Variants in SRGAP3 observed in about 807,000 individuals in gnomAD.
The protein encoded by SRGAP3 is SLIT-ROBO Rho GTPase activating protein 3.
A neutral mutation model predicts 121.1 loss-of-function variants in SRGAP3; 39 were observed. The ratio of observed to expected loss-of-function variants is 0.32; its 90% CI spans 0.25 to 0.42. SRGAP3 has a LOEUF of 0.42. Among genes scored for constraint, SRGAP3 ranks in the 10% least tolerant of loss-of-function variants. The pLI is 1.00. For missense variants in SRGAP3, 1,213 were observed against 1,470.6 expected (o/e 0.82, Z 2.86); for synonymous variants, 601 against 570.0 (o/e 1.05, Z -0.77).
intron 1 of SRGAP3, among the ~76,000 whole-genome samples, chr3:9,182,188 A>AAAC (rs1486492594): frequency 1.3e-5 from 2 of 150,720 alleles, no homozygotes; most frequent in African/African-American, 4.9e-5. Flanking sequence ...AAAAAAAAAA[A>AAAC]AAAAAAAAAA....
chr3:9,073,391 T>C (rs1203918936), intron 4 of SRGAP3, among the ~76,000 whole-genome samples: 2 of 152,236 alleles, frequency 1.3e-5, no homozygotes, highest in Non-Finnish European at 2.9e-5. Context: ...GCGATCTGCC[T>C]GACTTGGCCT....
intron 4 of SRGAP3, among the ~76,000 whole-genome samples, chr3:9,065,127 T>G (rs151231959): frequency 1.3e-5 from 2 of 152,314 alleles, no homozygotes; most frequent in East Asian, 3.9e-4. Flanking sequence ...TGAAGTACAA[T>G]GGGCTGCAAA....
chr3:9,131,832 T>C (rs1445714611), intron 1 of SRGAP3, among the ~76,000 whole-genome samples: 1 of 152,112 alleles, frequency 6.6e-6, no homozygotes, highest in Admixed American at 6.5e-5. Flanking sequence ...CCCCATTGCT[T>C]ATAGGATCAA....
intron 17 of SRGAP3, among the ~76,000 whole-genome samples, chr3:9,010,646 G>A (rs963712732): frequency 7.2e-5 from 11 of 152,144 alleles, no homozygotes; most frequent in Non-Finnish European, 8.8e-5. Context: ...CTGTCTTCTT[G>A]GTGAAGTCTG....
At chr3:9,026,879 C>A in intron 13 of SRGAP3, 56 bp downstream of exon 13, 3 of 1,583,442 alleles carry the variant, frequency 1.9e-6, no homozygotes, top group South Asian at 2.2e-5. Flanking sequence ...CCTATCAGAA[C>A]AGCCTAGCAC....
At chr3:9,125,306 C>T (rs943776999) in intron 1 of SRGAP3, among the ~76,000 whole-genome samples, 11 of 152,150 alleles carry the variant, frequency 7.2e-5, no homozygotes, top group African/African-American at 2.2e-4. Context: ...AACACTAGGA[C>T]CCCTTGCAGC....
intron 1 of SRGAP3, among the ~76,000 whole-genome samples, chr3:9,128,893 C>T (rs1408826529): frequency 1.3e-5 from 2 of 152,098 alleles, no homozygotes; most frequent in African/African-American, 4.8e-5. Context: ...AAAGTGGTCA[C>T]GTTTGACGGG....
chr3:9,049,591 T>A, intron 9 of SRGAP3: 1 of 432,318 alleles, frequency 2.3e-6, no homozygotes. Context: ...ACTCAGTGTT[T>A]CTCCAAGTGT....
intron 2 of SRGAP3, among the ~76,000 whole-genome samples, chr3:9,329,557 G>A (rs1955571840): frequency 6.6e-6 from 1 of 152,094 alleles, no homozygotes; most frequent in Non-Finnish European, 1.5e-5. Context: ...TTCAACACAT[G>A]GTGTCTGGGT....
chr3:9,004,781 A>C (rs1048040026), intron 18 of SRGAP3, among the ~76,000 whole-genome samples: 2 of 152,264 alleles, frequency 1.3e-5, no homozygotes, highest in Non-Finnish European at 2.9e-5. Flanking sequence ...AATAGATCAA[A>C]GATCTAAATG....
Position 9,269,052 on chromosome 3 carries a change from C to T in SRGAP3, n.442+56958G>A, listed in dbSNP as rs117286138. 2.8e-3 allele frequency among the ~76,000 whole-genome samples: 420 copies of T among 152,216 alleles called. 14 individuals are homozygous for T. In the South Asian group the frequency reaches 0.042, roughly 15 times the overall value. ...TTAGGATTGGAATCTCAGTGTTGGC[C>T]GGAACACGCCCACTGTGTGACCTTG... is the stretch of plus-strand genomic sequence containing the variant. On this transcript the variant is annotated intron_variant and non_coding_transcript_variant, in intron 3 of 3. Transcript: ENST00000490889.
At chr3:9,068,575 C>G (rs1478516442) in intron 4 of SRGAP3, among the ~76,000 whole-genome samples, 2 of 152,160 alleles carry the variant, frequency 1.3e-5, no homozygotes, top group Non-Finnish European at 1.5e-5. Flanking sequence ...TTATGACAGA[C>G]AGCTGCCACC....
intron 3 of SRGAP3, among the ~76,000 whole-genome samples, chr3:9,092,343 C>T (rs1018587313): frequency 1.3e-5 from 2 of 152,068 alleles, no homozygotes; most frequent in Non-Finnish European, 2.9e-5. Context: ...AGTCTTAGTA[C>T]AATTACTACT....
At chr3:9,127,198 G>T (rs1420393140) in intron 1 of SRGAP3, among the ~76,000 whole-genome samples, 1 of 152,096 alleles carries the variant, frequency 6.6e-6, no homozygotes, top group Non-Finnish European at 1.5e-5. Context: ...TTAGCCAGGT[G>T]TGGTGGCATG....
chr3:9,266,311 T>C (rs752042007), intron 3 of SRGAP3, among the ~76,000 whole-genome samples: 2 of 151,972 alleles, frequency 1.3e-5, no homozygotes, highest in Non-Finnish European at 2.9e-5. Context: ...CCATGGCACA[T>C]GTGTACCTAC....
intron 1 of SRGAP3, among the ~76,000 whole-genome samples, chr3:9,240,962 G>A (rs1478513252): frequency 6.6e-6 from 1 of 152,148 alleles, no homozygotes; most frequent in African/African-American, 2.4e-5. Context: ...TGTCAGGAAG[G>A]GAAGGAAGTC....
At chr3:9,004,925 A>C (rs747979660) in intron 18 of SRGAP3, among the ~76,000 whole-genome samples, 1 of 152,256 alleles carries the variant, frequency 6.6e-6, no homozygotes, top group Non-Finnish European at 1.5e-5. Flanking sequence ...AATGGAACTC[A>C]GTCAAAATGA....
At chr3:9,123,383 ATATATACATACACAATAC>A (rs1461313461) in intron 2 of SRGAP3, among the ~76,000 whole-genome samples, 1 of 32,244 alleles carries the variant, frequency 3.1e-5, no homozygotes, top group East Asian at 7.2e-4. Flanking sequence ...ATATATATAT[ATATATACATACACAATAC>A]ACATACATAC....
At chr3:9,290,041 G>A (rs1437276197) in intron 3 of SRGAP3, among the ~76,000 whole-genome samples, 1 of 152,090 alleles carries the variant, frequency 6.6e-6, no homozygotes. Context: ...AACTCAGGAG[G>A]CAGGGGTTGC....
Sources: allele counts gnomAD v4.1 joint callset (sites outside exome capture counted in the v4.1 genomes callset), GRCh38; gene constraint gnomAD v4.1.1; transcripts MANE v1.5; gene names NCBI Gene and HGNC (gene_info 2026-07-23, HGNC 2026-07-21).